EPHA6: variants seen among roughly 807,000 people sequenced by gnomAD.
EPHA6 encodes ephrin type-A receptor 6.
In EPHA6, 50 loss-of-function variants were observed where a neutral mutation model predicts 112.0. The ratio of observed to expected loss-of-function variants is 0.45; its 90% CI spans 0.36 to 0.56. The LOEUF is 0.56. Ranked by LOEUF, EPHA6 falls within the 20% of genes least tolerant of loss-of-function variation. The probability of loss-of-function intolerance (pLI) is 0.00; values close to 1 mark genes in which losing one functional copy is unlikely to be tolerated. For synonymous variants in EPHA6, 529 were observed against 490.7 expected (o/e 1.08, Z -1.03); for missense variants, 1,280 against 1,417.4 (o/e 0.90, Z 1.56).
chr3:97,277,152 C>T (rs945425336), intron 5 of EPHA6, among the ~76,000 whole-genome samples: 3 of 151,998 alleles, frequency 2.0e-5, no homozygotes, highest in South Asian at 4.1e-4. Flanking sequence ...GAATTTGGGA[C>T]GATTCTAACA....
chr3:97,481,441 T>C (rs1022817753), intron 9 of EPHA6: 2 of 1,374,464 alleles, frequency 1.5e-6, no homozygotes, highest in African/African-American at 1.4e-5. Flanking sequence ...AATACAGGCT[T>C]TCCTTTGCAG....
At chr3:97,617,263 A>G (rs571384077) in intron 13 of EPHA6, among the ~76,000 whole-genome samples, 2 of 152,308 alleles carry the variant, frequency 1.3e-5, no homozygotes, top group African/African-American at 4.8e-5. Flanking sequence ...GTCTTATAAG[A>G]GCTCCTGAAG....
intron 16 of EPHA6, among the ~76,000 whole-genome samples, chr3:97,737,860 G>A (rs1429511653): frequency 6.6e-6 from 1 of 151,860 alleles, no homozygotes; most frequent in Non-Finnish European, 1.5e-5. Flanking sequence ...GACATGAACT[G>A]AACAAAAAGT....
chr3:96,937,030 T>G (rs1277484083), intron 2 of EPHA6, among the ~76,000 whole-genome samples: 2 of 152,182 alleles, frequency 1.3e-5, no homozygotes, highest in Non-Finnish European at 2.9e-5. Context: ...TTGGCTTGGT[T>G]CCAAGTCTTT....
intron 10 of EPHA6, among the ~76,000 whole-genome samples, chr3:97,526,840 G>A (rs760338481): frequency 6.6e-6 from 1 of 152,008 alleles, no homozygotes; most frequent in East Asian, 2.0e-4. Flanking sequence ...GTGGGATGGA[G>A]GCTGACAGTC....
chr3:97,291,756 A>G (rs779897092), intron 5 of EPHA6, among the ~76,000 whole-genome samples: 1 of 152,090 alleles, frequency 6.6e-6, no homozygotes, highest in Non-Finnish European at 1.5e-5. Context: ...TGATCCCTTT[A>G]TTCTATAATG....
chr3:97,660,333 T>C (rs2094161785), intron 14 of EPHA6, among the ~76,000 whole-genome samples: 1 of 152,128 alleles, frequency 6.6e-6, no homozygotes, highest in Admixed American at 6.6e-5. Flanking sequence ...AAACTCATCA[T>C]GTCTTGCTAC....
chr3:96,827,809 G>T (rs534153518), intron 1 of EPHA6, among the ~76,000 whole-genome samples: 1 of 152,064 alleles, frequency 6.6e-6, no homozygotes, highest in African/African-American at 2.4e-5. Flanking sequence ...GCATCAACAG[G>T]GGTCCCAAAT....
At chr3:97,536,474 GCAAA>G (rs2092765906) in intron 11 of EPHA6, among the ~76,000 whole-genome samples, 1 of 152,258 alleles carries the variant, frequency 6.6e-6, no homozygotes, top group South Asian at 2.1e-4. Flanking sequence ...AATCAGGGTA[GCAAA>G]CAAATTCCCA....
intron 14 of EPHA6, among the ~76,000 whole-genome samples, chr3:97,648,030 A>G (rs1273653537): frequency 1.3e-5 from 2 of 152,148 alleles, no homozygotes; most frequent in African/African-American, 4.8e-5. Flanking sequence ...AACTTCTTTT[A>G]TTATATTTTG....
At chr3:97,734,558 T>C (rs2035175308) in intron 15 of EPHA6, among the ~76,000 whole-genome samples, 1 of 152,052 alleles carries the variant, frequency 6.6e-6, no homozygotes, top group Non-Finnish European at 1.5e-5. Context: ...AAATTCCCTA[T>C]TACTAAAAAA....
At chr3:97,176,778 CTCTT>C (rs1354478477) in intron 3 of EPHA6, among the ~76,000 whole-genome samples, 5 of 151,488 alleles carry the variant, frequency 3.3e-5, no homozygotes, top group African/African-American at 9.7e-5. Context: ...TTTGGATCTT[CTCTT>C]TCTTTCTTAG....
At chr3:97,313,543 TGTTA>T (rs922328131) in intron 5 of EPHA6, among the ~76,000 whole-genome samples, 8 of 151,608 alleles carry the variant, frequency 5.3e-5, no homozygotes, top group African/African-American at 1.5e-4. Flanking sequence ...TGCCAACACT[TGTTA>T]TCTTTAGTCT....
chr3:97,054,141 G>A (rs376519967), intron 3 of EPHA6, among the ~76,000 whole-genome samples: 17 of 149,360 alleles, frequency 1.1e-4, no homozygotes, highest in African/African-American at 4.0e-4. Flanking sequence ...AAGGAAAGCA[G>A]CAGATTCTGA....
At chr3:96,965,326 C>G (rs1008527372) in intron 2 of EPHA6, among the ~76,000 whole-genome samples, 1 of 152,062 alleles carries the variant, frequency 6.6e-6, no homozygotes, top group Non-Finnish European at 1.5e-5. Context: ...TACTTACCTA[C>G]CTCCCTAACA....
At chr3:97,736,528 C>T (rs1390240986) in intron 16 of EPHA6, among the ~76,000 whole-genome samples, 1 of 136,880 alleles carries the variant, frequency 7.3e-6, no homozygotes, top group Non-Finnish European at 1.6e-5. Flanking sequence ...CTTTAATTTT[C>T]TTGCCTATTC....
At chr3:97,267,113 C>T (rs2079710651) in intron 5 of EPHA6, among the ~76,000 whole-genome samples, 1 of 152,074 alleles carries the variant, frequency 6.6e-6, no homozygotes, top group Non-Finnish European at 1.5e-5. Context: ...GTTATACTGG[C>T]TTGCTTATTC....
At chr3:97,489,580 GGAGGCT>G (rs1320156903) in intron 10 of EPHA6, among the ~76,000 whole-genome samples, 2 of 151,208 alleles carry the variant, frequency 1.3e-5, no homozygotes, top group Non-Finnish European at 2.9e-5. Context: ...CAGCTACTCC[GGAGGCT>G]GAGGCAAGAG....
chr3:97,241,289 A>C (rs1348958544), intron 4 of EPHA6, among the ~76,000 whole-genome samples: 1 of 151,874 alleles, frequency 6.6e-6, no homozygotes, highest in Non-Finnish European at 1.5e-5. Context: ...CTAGTTTCAA[A>C]TCAGAATAAT....
Sources: gnomAD v4.1 joint callset for allele counts (sites outside exome capture counted in the v4.1 genomes callset) on GRCh38, gnomAD v4.1.1 for gene constraint, MANE v1.5 for transcripts, NCBI Gene and HGNC (gene_info 2026-07-23, HGNC 2026-07-21) for gene names.